The following FBN1 variants were observed in gnomAD, a reference collection of about 807,000 sequenced individuals.
FBN1 encodes fibrillin-1.
A neutral mutation model predicts 365.1 loss-of-function variants in FBN1; 29 were observed. That is an observed-to-expected ratio of 0.08 (90% CI 0.06 to 0.11). The LOEUF is 0.11. Ranked by LOEUF, FBN1 falls within the 10% of genes least tolerant of loss-of-function variation. The probability of loss-of-function intolerance (pLI) is 1.00; values close to 1 mark genes in which losing one functional copy is unlikely to be tolerated. For synonymous variants in FBN1, 1,210 were observed against 1,270.5 expected (o/e 0.95, Z 1.01); for missense variants, 2,476 against 3,703.2 (o/e 0.67, Z 8.60).
chr15:48,629,890 ACCACC>A (rs1566941849), intron 2 of FBN1, among the ~76,000 whole-genome samples: 10 of 152,316 alleles, frequency 6.6e-5, no homozygotes, highest in African/African-American at 1.9e-4. Flanking sequence ...CACTTGAAGA[ACCACC>A]TTTATCTGTT....
At chr15:48,636,867 GT>G (rs2140773716) in intron 2 of FBN1, among the ~76,000 whole-genome samples, 1 of 152,306 alleles carries the variant, frequency 6.6e-6, no homozygotes, top group South Asian at 2.1e-4. Flanking sequence ...GAATAAAATT[GT>G]TGTTTTAAGC....
intron 23 of FBN1, 36 bp downstream of exon 23, chr15:48,494,168 C>G: frequency 6.5e-7 from 1 of 1,539,858 alleles, no homozygotes. Context: ...TCATTATGCA[C>G]ACAAAAATGT....
intron 42 of FBN1, among the ~76,000 whole-genome samples, 183 bp downstream of exon 42, chr15:48,462,899 T>C (rs925264161): frequency 1.3e-5 from 2 of 152,170 alleles, no homozygotes; most frequent in African/African-American, 4.8e-5. Flanking sequence ...AGAAAACATA[T>C]TCTGTGACTC....
At position 48,600,261 on chromosome 15, in the gene FBN1, T is replaced by G. The variant is rs1036334785; in HGVS notation, c.347-27A>C. The G allele has an allele frequency of 2.5e-6, 4 of 1,570,262 alleles. No homozygotes were observed. The African/African-American group carries it at 4.0e-5, about 16-fold the overall frequency. ...TTGAAAAAAAAGAAGAAGAATTCAC[T>G]TTTGCAACTTAAATGCATAGATTGC... On this transcript the variant is annotated intron_variant, in intron 4 of 65. Coordinates refer to ENST00000316623, the MANE Select transcript of FBN1 (RefSeq NM_000138.5).
At chr15:48,477,214 A>G (rs1218369565) in intron 32 of FBN1, among the ~76,000 whole-genome samples, 1 of 152,074 alleles carries the variant, frequency 6.6e-6, no homozygotes, top group African/African-American at 2.4e-5. Context: ...ATTTCTTTTT[A>G]ATGGAAAGTC....
chr15:48,488,834 A>T (rs2043531863), intron 25 of FBN1, among the ~76,000 whole-genome samples: 1 of 152,236 alleles, frequency 6.6e-6, no homozygotes, highest in Non-Finnish European at 1.5e-5. Context: ...CTATATTTAA[A>T]GCACATAGAA....
chr15:48,473,737 C>T (rs530783484), intron 34 of FBN1, among the ~76,000 whole-genome samples: 43 of 151,828 alleles, frequency 2.8e-4, no homozygotes, highest in Non-Finnish European at 5.6e-4. Flanking sequence ...ATCCCTTCTC[C>T]TTACATAGTT....
intron 32 of FBN1, among the ~76,000 whole-genome samples, chr15:48,480,566 G>T (rs924504736): frequency 3.3e-5 from 5 of 152,030 alleles, no homozygotes; most frequent in African/African-American, 1.2e-4. Flanking sequence ...TGTTATTTTT[G>T]AACCAACAAT....
chr15:48,534,660 T>C (rs191345682), intron 7 of FBN1, among the ~76,000 whole-genome samples: 13 of 152,234 alleles, frequency 8.5e-5, no homozygotes, highest in Admixed American at 7.2e-4. Flanking sequence ...ACTGAGTGAT[T>C]TAGTTAAAAC....
chr15:48,534,107 G>C lies in FBN1; in HGVS notation c.835C>G (p.Leu279Val), dbSNP rs1210630009. ...TCACATTTTTGTGACACTTCATTAAGTTTGTGTCCAGCAGGGCATTTGCAC... is the reference window on the plus strand; with the variant it reads ...TCACATTTTTGTGACACTTCATTAACTTTGTGTCCAGCAGGGCATTTGCAC... Reference protein sequence around the residue: ...FECKCPAGHKLNEVSQKCEDI... With the variant: ...FECKCPAGHKVNEVSQKCEDI... Residue 279 changes from leucine to valine, a missense_variant, in exon 8 of 66, where the codon CTT (leucine) becomes GTT (valine). Coordinates refer to ENST00000316623, the MANE Select transcript of FBN1 (RefSeq NM_000138.5). The C allele has an allele frequency of 9.3e-6, 15 of 1,613,126 alleles. No homozygotes were observed. Among genetic ancestry groups the C allele is most frequent in the Non-Finnish European group, 1.2e-5 (14 of 1,179,804 alleles).
At chr15:48,483,712 CT>C in intron 31 of FBN1, 105 bp downstream of exon 31, 1 of 1,353,548 alleles carries the variant, frequency 7.4e-7, no homozygotes, top group Non-Finnish European at 1.0e-6. Flanking sequence ...AATATCCTTA[CT>C]TTTCCTATGG....
chr15:48,512,980 G>C (rs1480629746), intron 13 of FBN1, among the ~76,000 whole-genome samples: 1 of 152,116 alleles, frequency 6.6e-6, no homozygotes, highest in African/African-American at 2.4e-5. Context: ...AATTTTTTAT[G>C]AGGGGACATT....
intron 10 of FBN1, among the ~76,000 whole-genome samples, chr15:48,519,033 T>C (rs1290158619): frequency 6.6e-6 from 1 of 152,152 alleles, no homozygotes; most frequent in East Asian, 1.9e-4. Flanking sequence ...CCTGCTCTAG[T>C]CCTCTTCTCT....
chr15:48,425,175 T>C (rs2042969570), intron 60 of FBN1, among the ~76,000 whole-genome samples, 194 bp downstream of exon 60: 1 of 152,184 alleles, frequency 6.6e-6, no homozygotes, highest in Non-Finnish European at 1.5e-5. Flanking sequence ...GACAGCTGCT[T>C]CCTCCACAAT....
At chr15:48,574,773 G>C (rs1452986883) in intron 6 of FBN1, among the ~76,000 whole-genome samples, 1 of 152,168 alleles carries the variant, frequency 6.6e-6, no homozygotes, top group Admixed American at 6.5e-5. Flanking sequence ...TGTGACATCA[G>C]ATCAGGACAA....
intron 49 of FBN1, 31 bp from the exon 50 acceptor site, chr15:48,441,877 A>C: frequency 1.2e-6 from 2 of 1,611,288 alleles, no homozygotes; most frequent in Non-Finnish European, 1.7e-6. Context: ...AAACAAAGTC[A>C]AAACACGATG....
chr15:48,473,935 C>G (rs1410295464), intron 34 of FBN1, among the ~76,000 whole-genome samples: 1 of 152,118 alleles, frequency 6.6e-6, no homozygotes, highest in Non-Finnish European at 1.5e-5. Flanking sequence ...TAAGGCCTAG[C>G]TGACTTGAGG....
rs959324081 is a variant in FBN1 at position 48,500,056 on chromosome 15, T to C, written c.2114-1018A>G. Among the ~76,000 whole-genome samples, 17 of 152,164 alleles carry C rather than the reference T, an allele frequency of 1.1e-4. 1 individual carries two copies. Among genetic ancestry groups the C allele is most frequent in the Admixed American group, 3.9e-4 (6 of 15,270 alleles). ...ATCATGTCTTCTAACAAATGTGAAT[T>C]TGAGAAAGCAGTGATGATTTAATTT... On this transcript the variant is annotated intron_variant, in intron 17 of 65. Transcript: ENST00000316623.
At chr15:48,533,422 A>G (rs1301999611) in intron 8 of FBN1, among the ~76,000 whole-genome samples, 5 of 152,226 alleles carry the variant, frequency 3.3e-5, no homozygotes, top group Non-Finnish European at 7.3e-5. Flanking sequence ...TGTAATTGGA[A>G]GTCAGGCCTC....
Sources: allele counts gnomAD v4.1 joint callset (sites outside exome capture counted in the v4.1 genomes callset), GRCh38; gene constraint gnomAD v4.1.1; transcripts MANE v1.5; gene names NCBI Gene and HGNC (gene_info 2026-07-23, HGNC 2026-07-21).